Variants in MGAT4C observed in about 807,000 individuals in gnomAD.
MGAT4C encodes MGAT4 family member C, also known as alpha-1,3-mannosyl-glycoprotein 4-beta-N-acetylglucosaminyltransferase C.
Under a neutral mutation model 40.1 loss-of-function variants are expected in MGAT4C, and 19 were observed. That is an observed-to-expected ratio of 0.47 (90% confidence interval 0.33 to 0.70). MGAT4C has a LOEUF of 0.70. Among genes scored for constraint, MGAT4C ranks in the 30% least tolerant of loss-of-function variants. The pLI, the probability that MGAT4C is intolerant of heterozygous loss-of-function variation, is 0.02. For synonymous variants in MGAT4C, 181 were observed against 187.1 expected, an observed-to-expected ratio of 0.97 and a Z score of 0.27; for missense variants, 491 against 563.2, an observed-to-expected ratio of 0.87 and a Z score of 1.30.
intron 3 of MGAT4C, among the ~76,000 whole-genome samples, chr12:85,984,006 A>C (rs2077425019): frequency 6.6e-6 from 1 of 152,206 alleles, no homozygotes; most frequent in Admixed American, 6.5e-5. Context: ...AATTTTTGAC[A>C]ATCATTTAAG....
intron 1 of MGAT4C, among the ~76,000 whole-genome samples, chr12:86,140,746 A>AC (rs1882719648): frequency 6.6e-6 from 1 of 152,158 alleles, no homozygotes; most frequent in Non-Finnish European, 1.5e-5. Flanking sequence ...TTGTTCACAA[A>AC]TTTATTTAGA....
chr12:86,329,357 T>C (rs982584826), intron 4 of MGAT4C, among the ~76,000 whole-genome samples: 6 of 152,146 alleles, frequency 3.9e-5, no homozygotes, highest in Non-Finnish European at 8.8e-5. Flanking sequence ...CATAGTTACA[T>C]ATCAGCAGAA....
At chr12:86,614,803 G>T (rs1489823802) in intron 2 of MGAT4C, among the ~76,000 whole-genome samples, 1 of 151,840 alleles carries the variant, frequency 6.6e-6, no homozygotes, top group African/African-American at 2.4e-5. Context: ...TTCCTCACTT[G>T]GATCATTTCC....
chr12:86,136,962 A>T (rs1239912093), intron 1 of MGAT4C, among the ~76,000 whole-genome samples: 1 of 152,180 alleles, frequency 6.6e-6, no homozygotes, highest in East Asian at 1.9e-4. Flanking sequence ...CTGGGATTAC[A>T]GGCATGAGCC....
At chr12:86,596,082 C>CT (rs542113205) in intron 2 of MGAT4C, among the ~76,000 whole-genome samples, 14 of 149,136 alleles carry the variant, frequency 9.4e-5, no homozygotes, top group East Asian at 3.9e-4. Flanking sequence ...AGTACCAACT[C>CT]TTTTTTTTTT....
At chr12:86,017,992 C>T (rs1455700184) in intron 2 of MGAT4C, among the ~76,000 whole-genome samples, 2 of 152,126 alleles carry the variant, frequency 1.3e-5, no homozygotes, top group African/African-American at 4.8e-5. Context: ...TATGAAATGA[C>T]AAGTGAATTA....
intron 1 of MGAT4C, among the ~76,000 whole-genome samples, chr12:86,806,829 G>C (rs1425145920): frequency 1.3e-5 from 2 of 151,868 alleles, no homozygotes; most frequent in Non-Finnish European, 2.9e-5. Context: ...ACACAGGAAG[G>C]AGAACATCAC....
In MGAT4C at chr12:86,314,967, G is replaced by A. The variant is rs373893950; in HGVS notation, c.-57+19098C>T. Among the ~76,000 whole-genome samples the A allele has an allele frequency of 1.6e-3, 236 of 151,724 alleles. 6 individuals are homozygous for A. In the South Asian group the frequency reaches 0.048, roughly 31 times the overall value. ...ACACTATACCCATCAAACTGCCAAT[G>A]TCATTTTTTACAGAATTAGAAAAAG... On this transcript the variant is annotated intron_variant, in intron 4 of 7. Transcript: ENST00000548651.
At chr12:86,192,868 T>A (rs1326838373) in intron 1 of MGAT4C, among the ~76,000 whole-genome samples, 1 of 152,204 alleles carries the variant, frequency 6.6e-6, no homozygotes, top group Non-Finnish European at 1.5e-5. Flanking sequence ...TATGTTGGTA[T>A]GTTCAAACTT....
intron 1 of MGAT4C, among the ~76,000 whole-genome samples, chr12:86,824,736 CAAAA>C (rs35714537): frequency 5.0e-5 from 3 of 60,306 alleles, no homozygotes; most frequent in Admixed American, 1.7e-4. Flanking sequence ...ACAGCCAGGC[CAAAA>C]AAAAAAAAAA....
At chr12:86,268,424 T>A (rs1454966739) in intron 4 of MGAT4C, among the ~76,000 whole-genome samples, 1 of 151,942 alleles carries the variant, frequency 6.6e-6, no homozygotes, top group African/African-American at 2.4e-5. Context: ...TTAAAAACAT[T>A]GAAAAATACA....
upstream of MGAT4C, among the ~76,000 whole-genome samples, chr12:86,258,985 T>C (rs1431726174): frequency 1.3e-5 from 2 of 151,964 alleles, no homozygotes; most frequent in East Asian, 3.9e-4. Context: ...ATTTATATTT[T>C]AGTTTTAAAT....
chr12:86,736,063 A>G (rs1157320464), intron 1 of MGAT4C, among the ~76,000 whole-genome samples: 3 of 151,796 alleles, frequency 2.0e-5, no homozygotes, highest in Non-Finnish European at 4.4e-5. Flanking sequence ...GTTCTTTGAT[A>G]ATCTTAGTTC....
chr12:86,831,279 C>G (rs1474427831), intron 1 of MGAT4C, among the ~76,000 whole-genome samples: 1 of 151,604 alleles, frequency 6.6e-6, no homozygotes, highest in East Asian at 1.9e-4. Flanking sequence ...TTCTGAAGCT[C>G]GAATCATTCT....
chr12:86,189,062 G>A (rs1889091114), intron 1 of MGAT4C, among the ~76,000 whole-genome samples: 1 of 151,848 alleles, frequency 6.6e-6, no homozygotes, highest in Non-Finnish European at 1.5e-5. Context: ...GTTAAGTCAA[G>A]CGATTATTTT....
intron 3 of MGAT4C, among the ~76,000 whole-genome samples, chr12:86,367,629 C>A (rs537071341): frequency 6.6e-6 from 1 of 152,184 alleles, no homozygotes; most frequent in South Asian, 2.1e-4. Context: ...GAAACCTCGC[C>A]TCTACTAAAA....
intron 2 of MGAT4C, among the ~76,000 whole-genome samples, chr12:86,699,649 T>A (rs1950319897): frequency 6.6e-6 from 1 of 152,162 alleles, no homozygotes; most frequent in Non-Finnish European, 1.5e-5. Flanking sequence ...AATAGCCTAC[T>A]GTTGACTGGA....
At chr12:86,219,906 T>C (rs972455597) in intron 1 of MGAT4C, among the ~76,000 whole-genome samples, 1 of 152,200 alleles carries the variant, frequency 6.6e-6, no homozygotes, top group Admixed American at 6.5e-5. Flanking sequence ...TAATCCAATA[T>C]GCTAATGTAT....
intron 1 of MGAT4C, among the ~76,000 whole-genome samples, chr12:86,178,802 T>C (rs912507562): frequency 2.6e-5 from 4 of 152,192 alleles, no homozygotes; most frequent in African/African-American, 9.6e-5. Flanking sequence ...TTTAATTTTT[T>C]GGCCAGTATG....
Sources: allele counts gnomAD v4.1 joint callset (sites outside exome capture counted in the v4.1 genomes callset), GRCh38; gene constraint gnomAD v4.1.1; transcripts MANE v1.5; gene names NCBI Gene and HGNC (gene_info 2026-07-23, HGNC 2026-07-21).